The following SORCS1 variants were observed in gnomAD, a reference collection of about 807,000 sequenced individuals.
The protein encoded by SORCS1 is VPS10 domain-containing receptor SorCS1.
In SORCS1, 60 loss-of-function variants were observed where a neutral mutation model predicts 146.1. The ratio of observed to expected loss-of-function variants is 0.41; its 90% CI spans 0.33 to 0.51. SORCS1 has a LOEUF of 0.51. Among genes scored for constraint, SORCS1 ranks in the 20% least tolerant of loss-of-function variants. The pLI is 0.21. For missense variants in SORCS1, 1,352 were observed against 1,487.6 expected (o/e 0.91, Z 1.50); for synonymous variants, 637 against 584.0 (o/e 1.09, Z -1.31).
At chr10:106,966,106 T>G (rs719965) in intron 1 of SORCS1, among the ~76,000 whole-genome samples, 2 of 152,040 alleles carry the variant, frequency 1.3e-5, no homozygotes, top group Non-Finnish European at 2.9e-5. Flanking sequence ...TGCAGCTAAC[T>G]GCAGATTTCC....
chr10:107,086,215 G>T (rs2134273443), intron 1 of SORCS1, among the ~76,000 whole-genome samples: 1 of 152,192 alleles, frequency 6.6e-6, no homozygotes, highest in South Asian at 2.1e-4. Context: ...GTATATTATA[G>T]TAAAACCCAG....
At chr10:106,608,916 A>G (rs1191906300) in intron 22 of SORCS1, among the ~76,000 whole-genome samples, 1 of 152,216 alleles carries the variant, frequency 6.6e-6, no homozygotes, top group African/African-American at 2.4e-5. Flanking sequence ...GACTTTACAT[A>G]ACTGCACCAG....
chr10:106,793,809 T>C (rs1258547210), intron 3 of SORCS1, among the ~76,000 whole-genome samples: 2 of 152,360 alleles, frequency 1.3e-5, no homozygotes, highest in East Asian at 1.9e-4. Flanking sequence ...ACACTACTTA[T>C]AAAGCTACTG....
At chr10:106,581,216 A>G (rs1456940448) in intron 24 of SORCS1, among the ~76,000 whole-genome samples, 1 of 152,162 alleles carries the variant, frequency 6.6e-6, no homozygotes, top group African/African-American at 2.4e-5. Flanking sequence ...TATGATCCCC[A>G]TTAAACAGAT....
chr10:107,129,856 A>T (rs549056261), intron 1 of SORCS1, among the ~76,000 whole-genome samples: 3 of 152,302 alleles, frequency 2.0e-5, no homozygotes, highest in East Asian at 1.9e-4. Context: ...GTGAGAGACC[A>T]TTGATCATTT....
Position 107,101,021 on chromosome 10 carries a change from AG to A in SORCS1, c.558+62947del, listed in dbSNP as rs540227577. Among the ~76,000 whole-genome samples the A allele has an allele frequency of 3.2e-3, 486 of 152,238 alleles. 3 individuals carry two copies. Among genetic ancestry groups the A allele is most frequent in the Middle Eastern group, 0.014 (4 of 294 alleles). On this transcript the variant is annotated intron_variant, in intron 1 of 25. Transcript: ENST00000263054. ...GAGATCCTCCCTCCTCAGCCTCCTGAGTAGCTAGGAGTATAGGCATGCACCA... is the reference window on the plus strand; with the variant it reads ...GAGATCCTCCCTCCTCAGCCTCCTGATAGCTAGGAGTATAGGCATGCACCA...
chr10:106,907,252 TTAATAA>T (rs1434914014), intron 2 of SORCS1, among the ~76,000 whole-genome samples: 1 of 152,192 alleles, frequency 6.6e-6, no homozygotes, highest in Non-Finnish European at 1.5e-5. Context: ...AAACTAATGC[TTAATAA>T]TAGGAATTCC....
chr10:106,966,412 T>A (rs930907547), intron 1 of SORCS1, among the ~76,000 whole-genome samples: 2 of 152,202 alleles, frequency 1.3e-5, no homozygotes, highest in Admixed American at 6.6e-5. Flanking sequence ...AGAAAGCAGT[T>A]AGTGGATTTT....
chr10:107,162,743 C>T (rs538791370), intron 1 of SORCS1, among the ~76,000 whole-genome samples: 1 of 152,320 alleles, frequency 6.6e-6, no homozygotes, highest in African/African-American at 2.4e-5. Context: ...ACAATGAGCA[C>T]AACTCACTAA....
intron 17 of SORCS1, among the ~76,000 whole-genome samples, chr10:106,659,733 G>A (rs1850581458): frequency 6.6e-6 from 1 of 152,164 alleles, no homozygotes; most frequent in East Asian, 1.9e-4. Context: ...ACCAGGATAA[G>A]AATTGTTAAT....
rs571465264 is a variant in SORCS1 at position 106,913,645 on chromosome 10, T to TCAAC, written c.626+42864_626+42867dup. ...ATGCAAACTCAAGCCAATTATTGCTTCAACTCCTGCTGAGCTTTTCAGTAG... is the reference window on the plus strand; with the variant it reads ...ATGCAAACTCAAGCCAATTATTGCTTCAACCAACTCCTGCTGAGCTTTTCAGTAG... On this transcript the variant is annotated intron_variant, in intron 2 of 25. Transcript: ENST00000263054. 2.0e-3 allele frequency among the ~76,000 whole-genome samples: 308 copies of TCAAC among 152,312 alleles called. 2 individuals carry two copies. Among genetic ancestry groups the TCAAC allele is most frequent in the African/African-American group, 7.2e-3 (299 of 41,562 alleles).
chr10:106,606,327 A>G (rs1056402448), intron 23 of SORCS1, among the ~76,000 whole-genome samples: 2 of 149,972 alleles, frequency 1.3e-5, no homozygotes, highest in African/African-American at 4.9e-5. Context: ...ACACACTCAA[A>G]TGCTCCAGAA....
chr10:106,700,391 G>C (rs911904541), intron 8 of SORCS1, among the ~76,000 whole-genome samples: 1 of 152,090 alleles, frequency 6.6e-6, no homozygotes, highest in East Asian at 1.9e-4. Flanking sequence ...GCCCAAGATA[G>C]TAGTCATAAA....
At chr10:107,021,805 G>A (rs1210098875) in intron 1 of SORCS1, among the ~76,000 whole-genome samples, 2 of 152,066 alleles carry the variant, frequency 1.3e-5, no homozygotes, top group East Asian at 1.9e-4. Flanking sequence ...ATGGCTTCCT[G>A]AAGTTCCATA....
At chr10:106,788,173 A>C (rs1183413359) in intron 3 of SORCS1, among the ~76,000 whole-genome samples, 1 of 152,172 alleles carries the variant, frequency 6.6e-6, no homozygotes, top group African/African-American at 2.4e-5. Flanking sequence ...CTATCATGAG[A>C]ACAGCATGAG....
intron 2 of SORCS1, among the ~76,000 whole-genome samples, chr10:106,892,929 T>C (rs1222306694): frequency 6.6e-6 from 1 of 151,448 alleles, no homozygotes; most frequent in Non-Finnish European, 1.5e-5. Flanking sequence ...AGTTTTGCTT[T>C]TTTTGCCCAG....
intron 2 of SORCS1, among the ~76,000 whole-genome samples, chr10:106,901,783 C>A (rs996380947): frequency 1.1e-4 from 17 of 152,134 alleles, no homozygotes; most frequent in Non-Finnish European, 2.2e-4. Context: ...GTGGCTCATG[C>A]CTGTAATCCC....
chr10:107,078,690 A>T (rs1415074702), intron 1 of SORCS1, among the ~76,000 whole-genome samples: 1 of 152,168 alleles, frequency 6.6e-6, no homozygotes, highest in African/African-American at 2.4e-5. Context: ...ATCATTTTTC[A>T]GGACCATCAG....
chr10:106,972,374 C>G (rs1348108079), intron 1 of SORCS1, among the ~76,000 whole-genome samples: 2 of 127,464 alleles, frequency 1.6e-5, no homozygotes, highest in East Asian at 2.2e-4. Flanking sequence ...GAGCGAGACT[C>G]TGTCTCAAAA....
Sources: gnomAD v4.1 joint callset for allele counts (sites outside exome capture counted in the v4.1 genomes callset) on GRCh38, gnomAD v4.1.1 for gene constraint, MANE v1.5 for transcripts, NCBI Gene and HGNC (gene_info 2026-07-23, HGNC 2026-07-21) for gene names.